The following VEGFC variants were observed in gnomAD, a reference collection of about 807,000 sequenced individuals.
VEGFC encodes the protein FLT4 ligand DHM.
Under a neutral mutation model 46.1 loss-of-function variants are expected in VEGFC, and 12 were observed. That is an observed-to-expected ratio of 0.26 (90% CI 0.17 to 0.42). The LOEUF (loss-of-function observed/expected upper bound fraction) is 0.42, where lower values mean the gene tolerates loss of function less well. VEGFC is among the 10% of genes least tolerant of loss of function. The probability of loss-of-function intolerance (pLI) is 1.00; values close to 1 mark genes in which losing one functional copy is unlikely to be tolerated. For synonymous variants in VEGFC, 232 were observed against 195.5 expected (o/e 1.19, Z -1.56); for missense variants, 488 against 529.4 (o/e 0.92, Z 0.77).
chr4:176,722,037 C>T (rs1734795407), intron 3 of VEGFC, among the ~76,000 whole-genome samples: 2 of 151,686 alleles, frequency 1.3e-5, no homozygotes, highest in African/African-American at 2.4e-5. Flanking sequence ...AAAATAAAAA[C>T]TAATGCTATA....
At chr4:176,768,645 T>G (rs915793239) in intron 1 of VEGFC, among the ~76,000 whole-genome samples, 1 of 151,704 alleles carries the variant, frequency 6.6e-6, no homozygotes, top group Admixed American at 6.6e-5. Context: ...ACCTTTGGTA[T>G]GCAAATTACC....
At chr4:176,711,012 A>T (rs569999346) in intron 4 of VEGFC, among the ~76,000 whole-genome samples, 2 of 151,956 alleles carry the variant, frequency 1.3e-5, no homozygotes, top group African/African-American at 4.8e-5. Context: ...AAACATGGAG[A>T]TACATATATA....
chr4:176,743,421 A>G (rs1284759127), intron 1 of VEGFC, among the ~76,000 whole-genome samples: 1 of 151,946 alleles, frequency 6.6e-6, no homozygotes, highest in South Asian at 2.1e-4. Context: ...AAGTAAGCAT[A>G]AATGATTAAA....
At chr4:176,697,848 A>T (rs553075120) in intron 4 of VEGFC, among the ~76,000 whole-genome samples, 1 of 150,370 alleles carries the variant, frequency 6.7e-6, no homozygotes, top group East Asian at 2.0e-4. Flanking sequence ...ACATGGATGA[A>T]ATTGGAAGTC....
At chr4:176,776,454 A>G (rs1476233857) in intron 1 of VEGFC, among the ~76,000 whole-genome samples, 1 of 151,228 alleles carries the variant, frequency 6.6e-6, no homozygotes, top group Admixed American at 6.6e-5. Context: ...TACATTTAAA[A>G]CCTCCAATTA....
In VEGFC at chr4:176,706,446, G is replaced by C. The variant is rs539514505; in HGVS notation, c.704+5053C>G. Among the ~76,000 whole-genome samples, 270 of 152,024 alleles carry C rather than the reference G, an allele frequency of 1.8e-3. 1 individual carries two copies. Among genetic ancestry groups the C allele is most frequent in the Middle Eastern group, 3.4e-3 (1 of 294 alleles). On this transcript the variant is annotated intron_variant, in intron 4 of 6. Coordinates refer to ENST00000618562, the MANE Select transcript of VEGFC (RefSeq NM_005429.5). ...GTTCAAGACCAGCCTGGCCAGAATG[G>C]TGAAACCCCATCTCTACTAAAAATA...
Position 176,683,796 on chromosome 4 carries a change from G to A in VEGFC, c.*130C>T. On this transcript the variant is annotated 3_prime_UTR_variant, in exon 7 of 7. Coordinates refer to ENST00000618562, the MANE Select transcript of VEGFC (RefSeq NM_005429.5). ...TCCATTTCTGTAAAGTTATCCACATGGTTCAGGAAAGACAGACTTTTGTCT... is the reference window on the plus strand; with the variant it reads ...TCCATTTCTGTAAAGTTATCCACATAGTTCAGGAAAGACAGACTTTTGTCT... The A allele has an allele frequency of 1.5e-6, 1 of 681,428 alleles. No individual in the cohort carries two copies. Among genetic ancestry groups the A allele is most frequent in the Admixed American group, 2.5e-5 (1 of 40,566 alleles). The allele number at this position is 681,428 out of a possible 1,614,324, so 42.2% of individuals were successfully genotyped here. A position where few individuals can be genotyped will look rare whatever the true frequency, so the allele number is the denominator to read the frequency against.
rs756234227 is a variant in VEGFC at position 176,792,237 on chromosome 4, C to G, written c.75G>C (p.Ala25=). 6.4e-7 allele frequency: 1 copy of G among 1,553,650 alleles called. No individual in the cohort carries two copies. Among genetic ancestry groups the G allele is most frequent in the South Asian group, 1.2e-5 (1 of 84,968 alleles). The change falls in exon 1 of 7, where the codon GCG becomes GCC. Residue 25 remains alanine, a synonymous_variant. Transcript: ENST00000618562. This position sits in a 1 kb window ranked among gnomAD's most constrained non-coding sequence, Gnocchi z 6.3. ...AAALLPGPRE[A]PAAAAAFESG... ...ACTCGAAGGCGGCGGCGGCGGCGGGCGCCTCGCGAGGACCCGGGAGCAGCG... is the reference window on the plus strand; with the variant it reads ...ACTCGAAGGCGGCGGCGGCGGCGGGGGCCTCGCGAGGACCCGGGAGCAGCG...
At chr4:176,785,380 C>T (rs992442427) in intron 1 of VEGFC, among the ~76,000 whole-genome samples, 2 of 152,146 alleles carry the variant, frequency 1.3e-5, no homozygotes, top group Non-Finnish European at 2.9e-5. Context: ...GTAAGTATTA[C>T]CTTTTACACA....
At chr4:176,703,523 A>T (rs1172383670) in intron 4 of VEGFC, among the ~76,000 whole-genome samples, 1 of 152,124 alleles carries the variant, frequency 6.6e-6, no homozygotes, top group Non-Finnish European at 1.5e-5. Flanking sequence ...TGCATTCCAA[A>T]GTACAGTTAT....
At chr4:176,740,058 AATAT>A (rs536210441) in intron 1 of VEGFC, among the ~76,000 whole-genome samples, 1 of 115,456 alleles carries the variant, frequency 8.7e-6, no homozygotes, top group African/African-American at 3.2e-5. Context: ...CGATATATAG[AATAT>A]ATATAACTAT....
intron 6 of VEGFC, among the ~76,000 whole-genome samples, chr4:176,685,248 A>G: frequency 6.6e-6 from 1 of 152,198 alleles, no homozygotes. Context: ...ATTCATAGTT[A>G]TGACTACTGG....
chr4:176,714,059 C>T (rs1022713559), intron 3 of VEGFC, among the ~76,000 whole-genome samples: 2 of 152,124 alleles, frequency 1.3e-5, no homozygotes, highest in Non-Finnish European at 2.9e-5. Flanking sequence ...TGGCTCAGAC[C>T]AGCAGAAACA....
intron 1 of VEGFC, among the ~76,000 whole-genome samples, chr4:176,752,335 G>A (rs1430865199): frequency 2.0e-5 from 3 of 152,046 alleles, no homozygotes; most frequent in African/African-American, 7.2e-5. Context: ...TCTTCCTCCA[G>A]TCTTGAGATG....
At chr4:176,756,751 CAAG>C (rs1277492445) in intron 1 of VEGFC, among the ~76,000 whole-genome samples, 1 of 151,856 alleles carries the variant, frequency 6.6e-6, no homozygotes, top group Non-Finnish European at 1.5e-5. Flanking sequence ...ACCCTGATTT[CAAG>C]AAGTAGATTA....
At chr4:176,761,294 C>A (rs559509318) in intron 1 of VEGFC, among the ~76,000 whole-genome samples, 1 of 152,136 alleles carries the variant, frequency 6.6e-6, no homozygotes, top group East Asian at 1.9e-4. Context: ...ATATAAATAT[C>A]CTTAGCCTAG....
At chr4:176,715,673 T>A (rs1342206763) in intron 3 of VEGFC, among the ~76,000 whole-genome samples, 1 of 152,184 alleles carries the variant, frequency 6.6e-6, no homozygotes, top group Non-Finnish European at 1.5e-5. Flanking sequence ...CAGACCACTT[T>A]GTGAATTTTT....
At position 176,792,057 on chromosome 4, in the gene VEGFC, C is replaced by G; in HGVS notation, c.147+108G>C. 1 of 1,329,862 alleles carries G rather than the reference C, an allele frequency of 7.5e-7. No individual in the cohort carries two copies. The allele number at this position is 1,329,862 out of a possible 1,614,324, so 82.4% of individuals were successfully genotyped here. On this transcript the variant is annotated intron_variant, in intron 1 of 6. Transcript: ENST00000618562. This position sits in a 1 kb window ranked among gnomAD's most constrained non-coding sequence, Gnocchi z 6.3. Reference sequence around the variant, plus strand: ...CTGAGCTCAGTAACTTTGGATCCCACGTACACAAGCTTAAAGCACACACAC... The same window carrying G: ...CTGAGCTCAGTAACTTTGGATCCCAGGTACACAAGCTTAAAGCACACACAC...
At chr4:176,774,845 A>G (rs2110933563) in intron 1 of VEGFC, among the ~76,000 whole-genome samples, 1 of 151,928 alleles carries the variant, frequency 6.6e-6, no homozygotes, top group South Asian at 2.1e-4. Context: ...AAAAAAAAGA[A>G]CTTATGCTTT....
Sources: gnomAD v4.1 joint callset for allele counts (sites outside exome capture counted in the v4.1 genomes callset) on GRCh38, gnomAD v4.1.1 for gene constraint, Gnocchi (gnomAD v3.1) non-coding constraint, MANE v1.5 for transcripts, NCBI Gene and HGNC (gene_info 2026-07-23, HGNC 2026-07-21) for gene names.